Variants in LRFN5 observed in about 807,000 individuals in gnomAD.
LRFN5 encodes the protein leucine rich repeat and fibronectin type III domain containing 5, also known as leucine-rich repeat and fibronectin type-III domain-containing protein 5.
LRFN5 carries 24 observed loss-of-function variants against 45.6 expected under a neutral mutation model. That is an observed-to-expected ratio of 0.53 (90% confidence interval 0.38 to 0.74). LRFN5 has a LOEUF of 0.74. Ranked by LOEUF, LRFN5 falls within the 30% of genes least tolerant of loss-of-function variation. LRFN5 has a pLI of 0.00. For missense variants in LRFN5, 776 were observed against 861.5 expected, an observed-to-expected ratio of 0.90 and a Z score of 1.24; for synonymous variants, 340 against 313.8, an observed-to-expected ratio of 1.08 and a Z score of -0.88.
chr14:41,677,007 G>A (rs1017494379), intron 1 of LRFN5, among the ~76,000 whole-genome samples: 2 of 152,180 alleles, frequency 1.3e-5, no homozygotes, highest in Non-Finnish European at 2.9e-5. Flanking sequence ...CATGCATCCA[G>A]AGACAAAAGG....
chr14:41,811,095 T>G (rs1014638001), intron 2 of LRFN5, among the ~76,000 whole-genome samples: 1 of 152,028 alleles, frequency 6.6e-6, no homozygotes, highest in African/African-American at 2.4e-5. Context: ...TTTCTCAATT[T>G]TAAAAGGTGC....
At chr14:41,795,038 A>G (rs1224796884) in intron 2 of LRFN5, among the ~76,000 whole-genome samples, 2 of 152,042 alleles carry the variant, frequency 1.3e-5, no homozygotes, top group Non-Finnish European at 2.9e-5. Context: ...TATATATACT[A>G]TATATTCTTA....
intron 3 of LRFN5, among the ~76,000 whole-genome samples, chr14:41,888,954 T>C (rs1314520434): frequency 6.6e-6 from 1 of 150,720 alleles, no homozygotes; most frequent in African/African-American, 2.4e-5. Context: ...TTGCATTTTA[T>C]ATATATATAT....
chr14:41,711,414 A>G (rs1883280060), intron 1 of LRFN5, among the ~76,000 whole-genome samples: 1 of 152,196 alleles, frequency 6.6e-6, no homozygotes, highest in Non-Finnish European at 1.5e-5. Flanking sequence ...AGTTGCCTAT[A>G]TAAAGCCAGC....
At chr14:41,838,612 A>G (rs12432485) in intron 2 of LRFN5, among the ~76,000 whole-genome samples, 21,800 of 152,214 alleles carry the variant, frequency 0.14, 1,876 homozygotes, top group Non-Finnish European at 0.19. Flanking sequence ...AAAGAAACTC[A>G]GATGGGGGTG....
intron 1 of LRFN5, among the ~76,000 whole-genome samples, chr14:41,719,895 C>T (rs947625673): frequency 9.9e-5 from 15 of 151,894 alleles, no homozygotes; most frequent in Admixed American, 5.9e-4. Context: ...ATAAACTTTC[C>T]TCATATATGT....
Position 41,767,804 on chromosome 14 carries a change from A to G in LRFN5, c.-21+775A>G, listed in dbSNP as rs1278567298. Among the ~76,000 whole-genome samples the G allele has an allele frequency of 2.0e-5, 3 of 152,308 alleles. No individual in the cohort carries two copies. The East Asian group carries it at 5.8e-4, about 29-fold the overall frequency. On this transcript the variant is annotated intron_variant, in intron 2 of 5. Transcript: ENST00000298119. ...ATTAGTTAAAAGATTATTTATGGTC[A>G]TAGGATTTGAAAATAAAGACAACGT...
intron 1 of LRFN5, among the ~76,000 whole-genome samples, chr14:41,655,710 T>C (rs1189361278): frequency 6.6e-6 from 1 of 151,998 alleles, no homozygotes; most frequent in African/African-American, 2.4e-5. Flanking sequence ...TAAGAGAAGA[T>C]ACATATGTGA....
chr14:41,782,586 A>C (rs1886567464), intron 2 of LRFN5, among the ~76,000 whole-genome samples: 1 of 152,110 alleles, frequency 6.6e-6, no homozygotes, highest in African/African-American at 2.4e-5. Context: ...GATACCTTGT[A>C]ATTTTTTGTT....
intron 1 of LRFN5, among the ~76,000 whole-genome samples, chr14:41,643,224 A>G (rs1227768713): frequency 1.3e-5 from 2 of 152,172 alleles, no homozygotes; most frequent in African/African-American, 4.8e-5. Context: ...ATAAATAGGA[A>G]TCAAAAACAT....
At chr14:41,756,863 CTG>C (rs1216191012) in intron 1 of LRFN5, among the ~76,000 whole-genome samples, 6 of 151,310 alleles carry the variant, frequency 4.0e-5, no homozygotes, top group Admixed American at 2.6e-4. Context: ...TTTTTCTGCT[CTG>C]TTTTTTCCGC....
intron 1 of LRFN5, among the ~76,000 whole-genome samples, chr14:41,706,813 T>C (rs1012966330): frequency 2.0e-5 from 3 of 152,230 alleles, no homozygotes; most frequent in African/African-American, 7.2e-5. Context: ...TGTAAAGCCA[T>C]ATAGAAAGAT....
intron 2 of LRFN5, among the ~76,000 whole-genome samples, chr14:41,820,203 A>C (rs1566464122): frequency 9.4e-6 from 1 of 106,788 alleles, no homozygotes; most frequent in Non-Finnish European, 2.0e-5. Context: ...GCCAAATCCC[A>C]GAGTTTTTTT....
intron 1 of LRFN5, among the ~76,000 whole-genome samples, chr14:41,670,743 C>G (rs1183011364): frequency 6.6e-6 from 1 of 151,702 alleles, no homozygotes; most frequent in Non-Finnish European, 1.5e-5. Flanking sequence ...CAAATAAGAC[C>G]CAGGAAAATT....
chr14:41,663,649 C>G (rs1406585149), intron 1 of LRFN5, among the ~76,000 whole-genome samples: 2 of 151,890 alleles, frequency 1.3e-5, no homozygotes, highest in Non-Finnish European at 2.9e-5. Context: ...TTACCTCATT[C>G]TTCATTTGCC....
intron 2 of LRFN5, among the ~76,000 whole-genome samples, chr14:41,841,263 A>G (rs773607469): frequency 3.0e-4 from 46 of 151,954 alleles, no homozygotes; most frequent in Non-Finnish European, 5.6e-4. Flanking sequence ...CTAATTAGAA[A>G]ACCTGAACAT....
intron 2 of LRFN5, among the ~76,000 whole-genome samples, chr14:41,864,446 G>A (rs1889773230): frequency 6.6e-6 from 1 of 152,116 alleles, no homozygotes; most frequent in Admixed American, 6.6e-5. Flanking sequence ...TTTTTCATAT[G>A]TTTGTTGGCT....
At chr14:41,631,501 G>A (rs1227874551) in intron 1 of LRFN5, among the ~76,000 whole-genome samples, 2 of 151,786 alleles carry the variant, frequency 1.3e-5, no homozygotes, top group Non-Finnish European at 2.9e-5. Flanking sequence ...AGGGGAGGTA[G>A]ATAATAAATG....
chr14:41,904,104 T>C, intron 5 of LRFN5, 54 bp from the exon 6 acceptor site: 1 of 1,435,828 alleles, frequency 7.0e-7, no homozygotes, highest in Non-Finnish European at 9.6e-7. Context: ...CTATGTGTTT[T>C]CTTTCTTTCT....
Sources: allele counts gnomAD v4.1 joint callset (sites outside exome capture counted in the v4.1 genomes callset), GRCh38; gene constraint gnomAD v4.1.1; transcripts MANE v1.5; gene names NCBI Gene and HGNC (gene_info 2026-07-23, HGNC 2026-07-21).